Variants in HRH1 observed in about 807,000 individuals in gnomAD.
The protein encoded by HRH1 is histamine receptor H1, also known as histamine H1 receptor.
A neutral mutation model predicts 10.3 loss-of-function variants in HRH1; 6 were observed. That is an observed-to-expected ratio of 0.58 (90% confidence interval 0.32 to 1.15). HRH1 has a LOEUF of 1.15. Ranked by LOEUF, HRH1 falls within the 50% of genes most tolerant of loss-of-function variation. The pLI is 0.05. For synonymous variants in HRH1, 242 were observed against 236.7 expected, an observed-to-expected ratio of 1.02 and a Z score of -0.21; for missense variants, 514 against 615.3, an observed-to-expected ratio of 0.84 and a Z score of 1.74.
chr3:11,237,573 AAGGATTAAACGATTG>A (rs202032173), intron 1 of HRH1, among the ~76,000 whole-genome samples: 5,732 of 152,064 alleles, frequency 0.038, 161 homozygotes, highest in Non-Finnish European at 0.06. Flanking sequence ...GTAAACGATT[AAGGATTAAACGATTG>A]AGGATTAAAC....
intron 1 of HRH1, among the ~76,000 whole-genome samples, chr3:11,159,537 C>G (rs2125007712): frequency 6.6e-6 from 1 of 152,288 alleles, no homozygotes; most frequent in East Asian, 1.9e-4. Flanking sequence ...TTCTGCATTT[C>G]TGGAATAAAC....
chr3:11,213,085 A>C (rs1938380220), intron 1 of HRH1, among the ~76,000 whole-genome samples: 2 of 151,900 alleles, frequency 1.3e-5, no homozygotes, highest in South Asian at 4.2e-4. Context: ...GCCATCACTA[A>C]CCCTCTTTCT....
chr3:11,185,540 G>C (rs1937438372), intron 1 of HRH1, among the ~76,000 whole-genome samples: 1 of 152,166 alleles, frequency 6.6e-6, no homozygotes, highest in African/African-American at 2.4e-5. Flanking sequence ...TGCTTATTGA[G>C]CAACTAGAGG....
intron 1 of HRH1, among the ~76,000 whole-genome samples, chr3:11,159,108 C>A (rs928747776): frequency 6.6e-6 from 1 of 152,162 alleles, no homozygotes; most frequent in African/African-American, 2.4e-5. Context: ...ATTAGCCAGG[C>A]ATGGTGGTGC....
intron 1 of HRH1, among the ~76,000 whole-genome samples, chr3:11,171,208 C>T (rs1470989199): frequency 6.6e-6 from 1 of 151,526 alleles, no homozygotes; most frequent in African/African-American, 2.4e-5. Context: ...CCTTCTATAC[C>T]TGGGTTCGAG....
intron 1 of HRH1, among the ~76,000 whole-genome samples, chr3:11,242,019 T>C (rs1939356651): frequency 6.6e-6 from 1 of 152,050 alleles, no homozygotes; most frequent in Admixed American, 6.5e-5. Context: ...GGCACTCTGA[T>C]AGGACAAAAA....
At chr3:11,170,740 GC>G (rs1937135898) in intron 1 of HRH1, among the ~76,000 whole-genome samples, 1 of 152,224 alleles carries the variant, frequency 6.6e-6, no homozygotes, top group Non-Finnish European at 1.5e-5. Flanking sequence ...CCCTGGGAAA[GC>G]CCCCTGGAGG....
At chr3:11,182,021 C>T (rs1937364915) in intron 1 of HRH1, among the ~76,000 whole-genome samples, 2 of 152,076 alleles carry the variant, frequency 1.3e-5, no homozygotes, top group African/African-American at 4.8e-5. Flanking sequence ...CTTGCTCTGT[C>T]ACCCAGGCTA....
rs199720564 is a variant in HRH1, at chr3:11,259,452, C to T, written c.415C>T (p.Arg139Cys). The stretch of plus-strand genomic sequence containing the variant: ...GCAGCCCCTCAGGTACCTTAAGTAT[C>T]GTACCAAGACCCGAGCCTCGGCCAC... ...VQQPLRYLKY[R>C]TKTRASATIL... The change falls in exon 2 of 2, where the codon CGT (arginine) becomes TGT (cysteine). Residue 139 changes from arginine to cysteine, a missense_variant. By Grantham distance (180) the Arg-to-Cys change is radical. Coordinates refer to ENST00000431010, the MANE Select transcript of HRH1 (RefSeq NM_001098212.2). The surrounding 1 kb of genome is among the most constrained non-coding windows in gnomAD (Gnocchi z 4.6). The T allele has an allele frequency of 5.0e-6, 8 of 1,613,720 alleles. No individual in the cohort carries two copies. In the South Asian group the frequency reaches 5.5e-5, roughly 11 times the overall value.
intron 1 of HRH1, among the ~76,000 whole-genome samples, chr3:11,256,355 C>A (rs895097681): frequency 6.6e-6 from 1 of 152,090 alleles, no homozygotes; most frequent in Non-Finnish European, 1.5e-5. Flanking sequence ...AGATGGAGGC[C>A]AAGAGATCAC....
intron 1 of HRH1, among the ~76,000 whole-genome samples, chr3:11,215,442 T>C (rs1024143353): frequency 6.6e-6 from 1 of 152,156 alleles, no homozygotes; most frequent in Non-Finnish European, 1.5e-5. Context: ...TTTTTTGTTT[T>C]GTTTTTGATT....
At chr3:11,156,845 C>G (rs1028322914) in intron 1 of HRH1, among the ~76,000 whole-genome samples, 2 of 152,218 alleles carry the variant, frequency 1.3e-5, no homozygotes, top group African/African-American at 4.8e-5. Flanking sequence ...TGCCCAGCCT[C>G]TGCAGGCTTC....
chr3:11,225,876 T>C (rs899023519), intron 1 of HRH1, among the ~76,000 whole-genome samples: 3 of 152,180 alleles, frequency 2.0e-5, no homozygotes, highest in Non-Finnish European at 2.9e-5. Flanking sequence ...AGGGTTGTAA[T>C]TGAGGTCTGT....
At chr3:11,243,452 C>G (rs1216024303) in intron 1 of HRH1, among the ~76,000 whole-genome samples, 2 of 152,174 alleles carry the variant, frequency 1.3e-5, no homozygotes, top group African/African-American at 4.8e-5. Context: ...GATAATCCCA[C>G]AAGAAAGTTG....
At chr3:11,200,401 GTGAC>G (rs2125026989) in intron 1 of HRH1, among the ~76,000 whole-genome samples, 1 of 152,344 alleles carries the variant, frequency 6.6e-6, no homozygotes, top group South Asian at 2.1e-4. Flanking sequence ...CATATGGTCT[GTGAC>G]TGTTTGGAGA....
chr3:11,259,746 A>T lies in HRH1; in HGVS notation c.709A>T (p.Ile237Phe). Residue 237 changes from isoleucine (I) to phenylalanine (F), a missense_variant, in exon 2 of 2, where the codon ATT (isoleucine) becomes TTT (phenylalanine). Coordinates refer to ENST00000431010, the MANE Select transcript of HRH1 (RefSeq NM_001098212.2). The surrounding 1 kb of genome is among the most constrained non-coding windows in gnomAD (Gnocchi z 4.6). ...TAGGTCCCTCCCTTCCTTCTCAGAAATTAAGCTGAGGCCAGAGAACCCCAA... is the reference window on the plus strand; with the variant it reads ...TAGGTCCCTCCCTTCCTTCTCAGAATTTAAGCTGAGGCCAGAGAACCCCAA... ...INRSLPSFSEIKLRPENPKGD... is the reference protein window; with the variant it reads ...INRSLPSFSEFKLRPENPKGD... 1 of 1,614,086 alleles carries T rather than the reference A, an allele frequency of 6.2e-7. No individual in the cohort carries two copies. The highest frequency in any genetic ancestry group is 8.5e-7 in the Non-Finnish European group (1 of 1,180,010).
intron 1 of HRH1, among the ~76,000 whole-genome samples, chr3:11,156,762 A>G (rs1936811200): frequency 6.6e-6 from 1 of 152,196 alleles, no homozygotes; most frequent in Non-Finnish European, 1.5e-5. Context: ...AAAAGTGTTA[A>G]GAGTCCATTG....
At chr3:11,205,857 T>C (rs1938104023) in intron 1 of HRH1, among the ~76,000 whole-genome samples, 1 of 152,104 alleles carries the variant, frequency 6.6e-6, no homozygotes, top group South Asian at 2.1e-4. Context: ...AGATGGGGTT[T>C]CACCATATTG....
intron 1 of HRH1, among the ~76,000 whole-genome samples, chr3:11,137,640 A>T (rs917521312): frequency 3.9e-5 from 6 of 152,052 alleles, no homozygotes; most frequent in African/African-American, 1.4e-4. Flanking sequence ...TGGTGGAGTG[A>T]TGGGGGAGGA....
Sources: allele counts gnomAD v4.1 joint callset (sites outside exome capture counted in the v4.1 genomes callset), GRCh38; gene constraint gnomAD v4.1.1; non-coding constraint Gnocchi (gnomAD v3.1); transcripts MANE v1.5; gene names NCBI Gene and HGNC (gene_info 2026-07-23, HGNC 2026-07-21).